Variants in PTPRD observed in about 807,000 individuals in gnomAD.
PTPRD encodes the protein protein tyrosine phosphatase receptor type D.
Under a neutral mutation model 214.5 loss-of-function variants are expected in PTPRD, and 34 were observed. The observed-to-expected ratio is 0.16, with a 90% CI of 0.12 to 0.21. The LOEUF is 0.21. PTPRD is among the 10% of genes least tolerant of loss of function. The probability of loss-of-function intolerance (pLI) is 1.00; values close to 1 mark genes in which losing one functional copy is unlikely to be tolerated. For synonymous variants in PTPRD, 1,128 were observed against 845.7 expected (o/e 1.33, Z -5.79); for missense variants, 2,545 against 2,398.7 (o/e 1.06, Z -1.27).
chr9:10,328,146 G>A (rs2096678745), intron 3 of PTPRD, among the ~76,000 whole-genome samples: 2 of 151,744 alleles, frequency 1.3e-5, no homozygotes, highest in South Asian at 4.1e-4. Flanking sequence ...GAAATCCTAA[G>A]GAAGGTTGAG....
chr9:10,568,680 C>T (rs925761354), intron 2 of PTPRD, among the ~76,000 whole-genome samples: 1 of 152,048 alleles, frequency 6.6e-6, no homozygotes, highest in African/African-American at 2.4e-5. Flanking sequence ...GAAAGGATTC[C>T]CTATTTAATA....
chr9:8,935,954 C>T (rs911491303), intron 11 of PTPRD: 4 of 152,054 alleles, frequency 2.6e-5, no homozygotes, highest in African/African-American at 7.2e-5. Flanking sequence ...GAACCTTTTT[C>T]CTCAGTTTTA....
chr9:10,595,256 C>A (rs554443197), intron 2 of PTPRD, among the ~76,000 whole-genome samples: 168 of 151,026 alleles, frequency 1.1e-3, no homozygotes, highest in Non-Finnish European at 1.9e-3. Flanking sequence ...GTGTTAATTG[C>A]TAATTAAAGA....
chr9:9,503,685 T>C (rs142246072), intron 8 of PTPRD, among the ~76,000 whole-genome samples: 1 of 151,850 alleles, frequency 6.6e-6, no homozygotes, highest in East Asian at 1.9e-4. Flanking sequence ...AGAATCAAAG[T>C]AGAGTCACTT....
intron 37 of PTPRD, among the ~76,000 whole-genome samples, chr9:8,387,287 T>C (rs1315615796): frequency 6.6e-6 from 1 of 152,128 alleles, no homozygotes; most frequent in Non-Finnish European, 1.5e-5. Flanking sequence ...ACTGTAGGTA[T>C]TTAAGTCACA....
intron 39 of PTPRD, among the ~76,000 whole-genome samples, chr9:8,353,960 A>G (rs34517230): frequency 0.45 from 46,079 of 101,952 alleles, 13,936 homozygotes; most frequent in Non-Finnish European, 0.62. Flanking sequence ...ATATATATAT[A>G]TATGTTTTTT....
intron 8 of PTPRD, among the ~76,000 whole-genome samples, chr9:9,546,268 A>G (rs1358784042): frequency 2.0e-5 from 3 of 151,702 alleles, no homozygotes; most frequent in East Asian, 3.9e-4. Flanking sequence ...AGATCATGTC[A>G]TCTGAGAAAA....
intron 9 of PTPRD, among the ~76,000 whole-genome samples, chr9:9,293,781 T>C (rs766492095): frequency 6.6e-6 from 1 of 151,656 alleles, no homozygotes; most frequent in Non-Finnish European, 1.5e-5. Context: ...CCATCTTAAC[T>C]AAGCAGTTAT....
chr9:8,813,926 G>C (rs1292186639), intron 11 of PTPRD, among the ~76,000 whole-genome samples: 1 of 152,168 alleles, frequency 6.6e-6, no homozygotes, highest in Non-Finnish European at 1.5e-5. Context: ...GTCTGAGTTA[G>C]TTATTTCTCT....
intron 10 of PTPRD, among the ~76,000 whole-genome samples, chr9:9,019,728 A>G (rs2099555810): frequency 6.6e-6 from 1 of 152,166 alleles, no homozygotes; most frequent in South Asian, 2.1e-4. Flanking sequence ...ACAACATGGA[A>G]GTTTATTATT....
At chr9:10,451,109 T>C (rs188851885) in intron 2 of PTPRD, among the ~76,000 whole-genome samples, 28 of 152,004 alleles carry the variant, frequency 1.8e-4, no homozygotes, top group Admixed American at 5.2e-4. Flanking sequence ...TAAAAGTATT[T>C]AAGTATACGT....
intron 4 of PTPRD, among the ~76,000 whole-genome samples, chr9:9,941,699 A>G (rs2091492735): frequency 6.6e-6 from 1 of 152,184 alleles, no homozygotes; most frequent in Non-Finnish European, 1.5e-5. Flanking sequence ...TTCCCAAAGG[A>G]CAGATCGGCC....
At chr9:8,746,742 C>G (rs1029965858) in intron 11 of PTPRD, among the ~76,000 whole-genome samples, 1 of 152,124 alleles carries the variant, frequency 6.6e-6, no homozygotes, top group African/African-American at 2.4e-5. Flanking sequence ...GCCTGTAATC[C>G]CAGTGCTTTC....
intron 44 of PTPRD, among the ~76,000 whole-genome samples, 155 bp from the exon 45 acceptor site, chr9:8,320,121 C>A (rs908023633): frequency 2.0e-5 from 3 of 152,020 alleles, no homozygotes; most frequent in African/African-American, 7.2e-5. Context: ...CAAATGATTA[C>A]TCTTGGGATA....
intron 11 of PTPRD, among the ~76,000 whole-genome samples, chr9:8,948,888 C>G (rs1331278897): frequency 1.3e-5 from 2 of 151,340 alleles, no homozygotes; most frequent in Non-Finnish European, 2.9e-5. Context: ...ACAAGTGTTC[C>G]CAGTTATTTT....
At chr9:9,897,654 AAATTATAGCTGTTGATTCACCTAT>A in intron 5 of PTPRD, among the ~76,000 whole-genome samples, 1 of 152,210 alleles carries the variant, frequency 6.6e-6, no homozygotes, top group Middle Eastern at 3.4e-3. Context: ...TGGACAATTT[AAATTATAGCTGTTGATTCACCTAT>A]TGATTAGGAT....
chr9:10,267,064 C>T (rs1263082151), intron 3 of PTPRD, among the ~76,000 whole-genome samples: 1 of 151,708 alleles, frequency 6.6e-6, no homozygotes, highest in Non-Finnish European at 1.5e-5. Context: ...TGGTAGCGGT[C>T]CCCTGTAATG....
At chr9:8,768,708 T>C (rs2094954991) in intron 11 of PTPRD, among the ~76,000 whole-genome samples, 1 of 152,204 alleles carries the variant, frequency 6.6e-6, no homozygotes, top group African/African-American at 2.4e-5. Context: ...TAAAACTTAC[T>C]TTCCTTCTAA....
intron 3 of PTPRD, among the ~76,000 whole-genome samples, chr9:10,047,285 A>C (rs291259): frequency 0.39 from 58,099 of 147,270 alleles, 11,600 homozygotes; most frequent in African/African-American, 0.49. Context: ...GTTTCCTCAT[A>C]GGTAAAATGA....
Sources: gnomAD v4.1 joint callset for allele counts (sites outside exome capture counted in the v4.1 genomes callset) on GRCh38, gnomAD v4.1.1 for gene constraint, MANE v1.5 for transcripts, NCBI Gene and HGNC (gene_info 2026-07-23, HGNC 2026-07-21) for gene names.